Variants in MORN3 observed in about 807,000 individuals in gnomAD.
MORN3 encodes MORN repeat-containing protein 3.
Under a neutral mutation model 34.7 loss-of-function variants are expected in MORN3, and 38 were observed. The ratio of observed to expected loss-of-function variants is 1.10; its 90% CI spans 0.85 to 1.44. MORN3 has a LOEUF of 1.44. MORN3 is among the 40% of genes most tolerant of loss of function. The pLI is 0.00. For synonymous variants in MORN3, 109 were observed against 115.3 expected (o/e 0.95, Z 0.35); for missense variants, 311 against 321.7 (o/e 0.97, Z 0.25).
intron 1 of MORN3, among the ~76,000 whole-genome samples, chr12:121,662,254 G>A (rs1473058468): frequency 1.3e-5 from 2 of 151,952 alleles, no homozygotes; most frequent in African/African-American, 2.4e-5. Context: ...ATCACTTGAG[G>A]CTAGAAGTTC....
rs1177969432 is a variant in MORN3, at chr12:121,650,010, G to A, written c.*1641C>T. 6.6e-6 allele frequency: 1 copy of A among 151,872 alleles called. No homozygotes were observed. Among genetic ancestry groups the A allele is most frequent in the Non-Finnish European group, 1.5e-5 (1 of 68,006 alleles). The allele number at this position is 151,872 out of a possible 1,614,324, so 9.4% of individuals were successfully genotyped here. A position where few individuals can be genotyped will look rare whatever the true frequency, so the allele number is the denominator to read the frequency against. Reference sequence around the variant, plus strand: ...TTGCCAAATGTCCCCAAGAAAGAGTGGGGCTGAGGGAGGACAAAATCCTAC... The same window carrying A: ...TTGCCAAATGTCCCCAAGAAAGAGTAGGGCTGAGGGAGGACAAAATCCTAC... On this transcript the variant is annotated 3_prime_UTR_variant, in exon 6 of 6. Transcript: ENST00000355329.
At position 121,659,254 on chromosome 12, in the gene MORN3, A is replaced by G. The variant is rs573381129; in HGVS notation, c.240T>C (p.Pro80=). Residue 80 remains proline, a synonymous_variant, in exon 2 of 6, where the codon CCT becomes CCC. Transcript: ENST00000355329. ...TCCTGCACTTTCCTGTCTGTTGGTC[A>G]GGAAGGCTGAGGGTGCCGTAGCCGT... ...KRDGYGTLSL[P]DQQTGKCRRV... The G allele has an allele frequency of 5.6e-5, 90 of 1,613,998 alleles. No individual in the cohort carries two copies. The South Asian group carries it at 9.2e-4, about 17-fold the overall frequency.
At chr12:121,666,249 T>G (rs1345053000) in intron 1 of MORN3, among the ~76,000 whole-genome samples, 2 of 152,090 alleles carry the variant, frequency 1.3e-5, no homozygotes, top group Non-Finnish European at 2.9e-5. Flanking sequence ...CTTGAACTCC[T>G]GGGCTCAAGC....
intron 1 of MORN3, among the ~76,000 whole-genome samples, chr12:121,665,081 T>C (rs567526134): frequency 6.6e-6 from 1 of 151,660 alleles, no homozygotes; most frequent in South Asian, 2.1e-4. Flanking sequence ...TGCTCATTTC[T>C]GTGACCAAGG....
At chr12:121,662,707 C>A (rs543250439) in intron 1 of MORN3, among the ~76,000 whole-genome samples, 1 of 150,154 alleles carries the variant, frequency 6.7e-6, no homozygotes, top group African/African-American at 2.5e-5. Flanking sequence ...GAGCCGAGAT[C>A]GCAACACTGC....
upstream of MORN3, among the ~76,000 whole-genome samples, chr12:121,669,813 C>CATATAT (rs750751662): frequency 1.7e-3 from 237 of 135,990 alleles, 2 homozygotes; most frequent in South Asian, 0.019. Context: ...GTCATATATA[C>CATATAT]ATATATATAT....
Position 121,653,191 on chromosome 12 carries a change from G to C in MORN3, c.532C>G (p.Leu178Val), listed in dbSNP as rs1893302465. The C allele has an allele frequency of 6.2e-7, 1 of 1,614,232 alleles. No homozygotes were observed. The highest frequency in any genetic ancestry group is 8.5e-7 in the Non-Finnish European group (1 of 1,180,040). Residue 178 changes from leucine (L) to valine (V), a missense_variant, in exon 4 of 6, where the codon CTG becomes GTG. Leu to Val is a conservative substitution (Grantham distance 32, BLOSUM62 1). Coordinates refer to ENST00000355329, the MANE Select transcript of MORN3 (RefSeq NM_173855.5). ...CCTTCAAACAGCTGGCCGTGGTCCA[G>C]ATGGAAGAAACGCCCCGCCCCGTTC... ...MKNGAGRFFH[L>V]DHGQLFEGFW...
chr12:121,669,834 T>TATATATATATATATATATATATATATA, upstream of MORN3, among the ~76,000 whole-genome samples: 1 of 92,264 alleles, frequency 1.1e-5, no homozygotes, highest in African/African-American at 4.6e-5. Context: ...ATATATATAT[T>TATATATATATATATATATATATATATA]TTTTTTTTTA....
At chr12:121,668,263 T>C (rs1192413574) in intron 1 of MORN3, among the ~76,000 whole-genome samples, 1 of 149,360 alleles carries the variant, frequency 6.7e-6, no homozygotes, top group Admixed American at 6.7e-5. Flanking sequence ...AGAATTGGGC[T>C]GGGCGCAGTG....
upstream of MORN3, among the ~76,000 whole-genome samples, chr12:121,671,005 G>A (rs1196644313): frequency 1.3e-5 from 2 of 151,512 alleles, no homozygotes; most frequent in Non-Finnish European, 2.9e-5. Flanking sequence ...CAGCTACTCG[G>A]GAGGCTGAGG....
At chr12:121,658,932 G>C (rs1893493740) in intron 2 of MORN3, among the ~76,000 whole-genome samples, 1 of 152,186 alleles carries the variant, frequency 6.6e-6, no homozygotes, top group African/African-American at 2.4e-5. Flanking sequence ...CCACAAGCCT[G>C]GCTGGCTCCT....
At position 121,662,336 on chromosome 12, in the gene MORN3, G is replaced by A. The variant is rs558620135; in HGVS notation, c.146-2988C>T. Among the ~76,000 whole-genome samples, 196 of 152,172 alleles carry A rather than the reference G, an allele frequency of 1.3e-3. 3 individuals carry two copies. The highest frequency in any genetic ancestry group is 1.2e-3 in the Non-Finnish European group (84 of 68,002). On this transcript the variant is annotated intron_variant, in intron 1 of 5. Coordinates refer to ENST00000355329, the MANE Select transcript of MORN3 (RefSeq NM_173855.5). ...ACACAAATTAGCCTGGTGTGGTGGC[G>A]CATGCCTATAATCCCAGCTACTCAG... is the stretch of plus-strand genomic sequence containing the variant.
At chr12:121,669,087 G>A (rs1212028840) in intron 1 of MORN3, among the ~76,000 whole-genome samples, 1 of 152,192 alleles carries the variant, frequency 6.6e-6, no homozygotes, top group East Asian at 1.9e-4. Context: ...GAGCCCCGGG[G>A]GCAGGCCAGT....
chr12:121,652,927 C>A, intron 4 of MORN3, 119 bp from the exon 5 acceptor site: 1 of 1,430,272 alleles, frequency 7.0e-7, no homozygotes, highest in Non-Finnish European at 9.7e-7. Context: ...ACCTCCCTTG[C>A]TAGGGATGCC....
At chr12:121,667,021 C>T (rs969856367) in intron 1 of MORN3, among the ~76,000 whole-genome samples, 5 of 139,104 alleles carry the variant, frequency 3.6e-5, no homozygotes, top group Non-Finnish European at 4.5e-5. Context: ...AGTGCAATGG[C>T]GCAATCTCAG....
chr12:121,655,745 CTT>C, intron 2 of MORN3, among the ~76,000 whole-genome samples: 5 of 150,394 alleles, frequency 3.3e-5, no homozygotes, highest in Admixed American at 3.3e-4. Context: ...AAACACCACA[CTT>C]AGGCTGGGCG....
At position 121,651,456 on chromosome 12, in the gene MORN3, G is replaced by A. The variant is rs529261649; in HGVS notation, c.*195C>T. ...GATCAGAGAATGAAGAGGGTCCCGAGGACAGCCTGGGAGAGAAGCACCAGC... is the reference window on the plus strand; with the variant it reads ...GATCAGAGAATGAAGAGGGTCCCGAAGACAGCCTGGGAGAGAAGCACCAGC... On this transcript the variant is annotated 3_prime_UTR_variant, in exon 6 of 6. Transcript: ENST00000355329. 3.9e-5 allele frequency: 6 copies of A among 152,352 alleles called. No homozygotes were observed. In the South Asian group the frequency reaches 1.2e-3, roughly 32 times the overall value. The allele number at this position is 152,352 out of a possible 1,614,324, so 9.4% of individuals were successfully genotyped here.
At chr12:121,656,842 C>A (rs553539344) in intron 2 of MORN3, among the ~76,000 whole-genome samples, 2 of 152,220 alleles carry the variant, frequency 1.3e-5, no homozygotes, top group East Asian at 1.9e-4. Context: ...ATTCTCTAGG[C>A]TGGGCTTGAT....
intron 2 of MORN3, among the ~76,000 whole-genome samples, chr12:121,657,656 T>C (rs1490556432): frequency 6.6e-6 from 1 of 151,904 alleles, no homozygotes; most frequent in Non-Finnish European, 1.5e-5. Context: ...TCACCTGAGG[T>C]CGGGAGTTCG....
Sources: gnomAD v4.1 joint callset for allele counts (sites outside exome capture counted in the v4.1 genomes callset) on GRCh38, gnomAD v4.1.1 for gene constraint, MANE v1.5 for transcripts, NCBI Gene and HGNC (gene_info 2026-07-23, HGNC 2026-07-21) for gene names.